HSPA12A: variants seen among roughly 807,000 people sequenced by gnomAD.
HSPA12A encodes the protein heat shock 70 kDa protein 12A.
A neutral mutation model predicts 69.2 loss-of-function variants in HSPA12A; 28 were observed. The ratio of observed to expected loss-of-function variants is 0.40; its 90% CI spans 0.30 to 0.55. The LOEUF (loss-of-function observed/expected upper bound fraction) is 0.55, where lower values mean the gene tolerates loss of function less well. Ranked by LOEUF, HSPA12A falls within the 20% of genes least tolerant of loss-of-function variation. The pLI, the probability that HSPA12A is intolerant of heterozygous loss-of-function variation, is 0.38. For missense variants in HSPA12A, 686 were observed against 900.7 expected (o/e 0.76, Z 3.05); for synonymous variants, 345 against 370.5 (o/e 0.93, Z 0.79).
intron 2 of HSPA12A, chr10:116,831,474 T>C (rs1456210221): frequency 1.3e-5 from 2 of 151,676 alleles, no homozygotes; most frequent in Non-Finnish European, 1.5e-5. Context: ...ACAACCAGAG[T>C]GAGGGTTCAA....
chr10:116,768,841 C>T (rs1237044842), intron 2 of HSPA12A, among the ~76,000 whole-genome samples: 1 of 152,086 alleles, frequency 6.6e-6, no homozygotes, highest in East Asian at 1.9e-4. Flanking sequence ...CTGACATCAC[C>T]CTGACTTTGG....
At chr10:116,728,431 A>G (rs1325605552) in intron 1 of HSPA12A, among the ~76,000 whole-genome samples, 1 of 152,212 alleles carries the variant, frequency 6.6e-6, no homozygotes, top group Non-Finnish European at 1.5e-5. Context: ...TCAATAAGCT[A>G]CCACAAGGGC....
intron 1 of HSPA12A, among the ~76,000 whole-genome samples, chr10:116,737,127 T>C (rs1554886503): frequency 2.0e-5 from 3 of 152,194 alleles, no homozygotes; most frequent in Non-Finnish European, 2.9e-5. Flanking sequence ...TGAGGCTTTA[T>C]GGGGTTAAGT....
rs145504853 is a variant in HSPA12A, at chr10:116,698,140, G to A, written c.546+495C>T. On this transcript the variant is annotated intron_variant, in intron 5 of 11. Transcript: ENST00000369209. The stretch of plus-strand genomic sequence containing the variant: ...GTGGATGGGCATGTGGATTTTTTCC[G>A]ATTTTCGTCGTTGTGAATAATGTTG... The A allele has an allele frequency of 7.7e-3, 1,174 of 152,636 alleles. 8 individuals are homozygous for A. The highest frequency in any genetic ancestry group is 0.017 in the Admixed American group (261 of 15,326). The allele number at this position is 152,636 out of a possible 1,614,324, so 9.5% of individuals were successfully genotyped here.
intron 1 of HSPA12A, among the ~76,000 whole-genome samples, chr10:116,731,987 A>G (rs890962182): frequency 5.9e-5 from 9 of 152,132 alleles, no homozygotes; most frequent in Non-Finnish European, 1.2e-4. Context: ...AAGCAATCCT[A>G]AAGTGGTCCT....
At chr10:116,822,062 T>G (rs1301081512) in intron 2 of HSPA12A, among the ~76,000 whole-genome samples, 6 of 152,260 alleles carry the variant, frequency 3.9e-5, no homozygotes, top group Non-Finnish European at 8.8e-5. Context: ...CATCACTTTG[T>G]ATAGAGCAGT....
chr10:116,839,767 T>C (rs1845775736), intron 1 of HSPA12A, among the ~76,000 whole-genome samples: 1 of 152,046 alleles, frequency 6.6e-6, no homozygotes, highest in South Asian at 2.1e-4. Flanking sequence ...ATCATAAACA[T>C]AGTAACTGCA....
intron 2 of HSPA12A, among the ~76,000 whole-genome samples, chr10:116,751,657 G>A (rs1457581107): frequency 1.3e-5 from 2 of 152,184 alleles, no homozygotes; most frequent in Non-Finnish European, 2.9e-5. Flanking sequence ...TACAGTTCAT[G>A]TGTAAATATG....
chr10:116,777,754 G>T (rs1554891297), intron 2 of HSPA12A, among the ~76,000 whole-genome samples: 1 of 152,226 alleles, frequency 6.6e-6, no homozygotes, highest in African/African-American at 2.4e-5. Flanking sequence ...TTGAGACGGA[G>T]TCTCACTCTG....
chr10:116,800,441 C>A (rs1462682099), intron 2 of HSPA12A, among the ~76,000 whole-genome samples: 5 of 152,160 alleles, frequency 3.3e-5, no homozygotes, highest in African/African-American at 4.8e-5. Flanking sequence ...TGCTCCTAGA[C>A]CCCACTGTGT....
chr10:116,789,063 A>G (rs1844643520), intron 2 of HSPA12A, among the ~76,000 whole-genome samples: 1 of 151,984 alleles, frequency 6.6e-6, no homozygotes, highest in Non-Finnish European at 1.5e-5. Context: ...ACAAGGTTTC[A>G]CCATGTTGGC....
intron 2 of HSPA12A, among the ~76,000 whole-genome samples, chr10:116,750,934 C>T (rs562924749): frequency 1.3e-5 from 2 of 151,966 alleles, no homozygotes; most frequent in East Asian, 1.9e-4. Flanking sequence ...GATCGTACCA[C>T]TGCACTCCAA....
intron 2 of HSPA12A, among the ~76,000 whole-genome samples, chr10:116,778,037 T>C (rs1472058530): frequency 6.6e-6 from 1 of 152,090 alleles, no homozygotes; most frequent in Non-Finnish European, 1.5e-5. Context: ...GTTATTTAAC[T>C]CTTAATAATG....
chr10:116,701,799 C>T (rs1188733524), intron 3 of HSPA12A, among the ~76,000 whole-genome samples: 2 of 152,036 alleles, frequency 1.3e-5, no homozygotes, highest in East Asian at 1.9e-4. Context: ...GTGAGAAACA[C>T]GATTGGGAAA....
chr10:116,740,841 C>T (rs1554887012), intron 1 of HSPA12A, among the ~76,000 whole-genome samples: 2 of 151,638 alleles, frequency 1.3e-5, no homozygotes, highest in African/African-American at 4.9e-5. Context: ...GGTATCATCG[C>T]CCACCCTATC....
chr10:116,675,331 G>A lies in HSPA12A; in HGVS notation c.1478C>T (p.Ala493Val), dbSNP rs374696720. ...GFAEAPLLQQ[A>V]VQAAFGDQCR... is the part of the protein sequence containing the mutation. ...CTGGTCCCCAAAAGCAGCCTGCACC[G>A]CCTGCTGCAGCAGGGGCGCCTCGGC... The change falls in exon 12 of 12, where the codon GCG becomes GTG. Residue 493 changes from alanine (A) to valine (V), a missense_variant. Coordinates refer to ENST00000369209, the MANE Select transcript of HSPA12A (RefSeq NM_025015.3). This position sits in a 1 kb window ranked among gnomAD's most constrained non-coding sequence, Gnocchi z 5.2. 14 of 1,612,872 alleles carry A rather than the reference G, an allele frequency of 8.7e-6. No individual in the cohort carries two copies. The highest frequency in any genetic ancestry group is 2.7e-5 in the African/African-American group (2 of 74,906).
At chr10:116,767,102 G>C (rs1554889856) in intron 2 of HSPA12A, among the ~76,000 whole-genome samples, 2 of 152,150 alleles carry the variant, frequency 1.3e-5, no homozygotes, top group African/African-American at 4.8e-5. Context: ...GCTAGAGCGG[G>C]GGCACCTGAT....
At position 116,707,151 on chromosome 10, in the gene HSPA12A, GCGCACACACACA is replaced by G. The variant is rs1196708854; in HGVS notation, c.126+37_126+48del. 5.8e-4 allele frequency: 593 copies of G among 1,018,458 alleles called. 5 individuals carry two copies. The highest frequency in any genetic ancestry group is 1.5e-3 in the East Asian group (34 of 22,222). 63.1% of individuals were successfully genotyped at this position (1,018,458 alleles called of 1,614,324 possible). A position where few individuals can be genotyped will look rare whatever the true frequency, so the allele number is the denominator to read the frequency against. On this transcript the variant is annotated intron_variant, in intron 2 of 11. Coordinates refer to ENST00000369209, the MANE Select transcript of HSPA12A (RefSeq NM_025015.3). ...CACGTGTGCTCATGCGCACCCATGC[GCGCACACACACA>G]CACACACACACACACACACACACAC...
At chr10:116,752,877 T>C (rs1851804364) in intron 2 of HSPA12A, among the ~76,000 whole-genome samples, 1 of 152,184 alleles carries the variant, frequency 6.6e-6, no homozygotes, top group South Asian at 2.1e-4. Flanking sequence ...TGTTAGCCAT[T>C]ATAACTGGCC....
Sources: allele counts gnomAD v4.1 joint callset (sites outside exome capture counted in the v4.1 genomes callset), GRCh38; gene constraint gnomAD v4.1.1; non-coding constraint Gnocchi (gnomAD v3.1); transcripts MANE v1.5; gene names NCBI Gene and HGNC (gene_info 2026-07-23, HGNC 2026-07-21).